The following PIEZO1 variants were observed in gnomAD, a reference collection of about 807,000 sequenced individuals.
The protein encoded by PIEZO1 is piezo-type mechanosensitive ion channel component 1.
In PIEZO1, 296 loss-of-function variants were observed where a neutral mutation model predicts 297.2. The observed-to-expected ratio is 1.00, with a 90% CI of 0.91 to 1.10. The LOEUF is 1.10. Among genes scored for constraint, PIEZO1 ranks in the 50% least tolerant of loss-of-function variants. The probability of loss-of-function intolerance (pLI) is 0.00; values close to 1 mark genes in which losing one functional copy is unlikely to be tolerated. For missense variants in PIEZO1, 5,018 were observed against 3,455.5 expected (o/e 1.45, Z -11.34); for synonymous variants, 2,427 against 1,507.5 (o/e 1.61, Z -14.13).
In PIEZO1 at chr16:88,738,651, A is replaced by G; in HGVS notation, c.551T>C (p.Leu184Pro). ...ATLAPTRRSR[L>P]AARFRVTAHW... Reference sequence around the variant, plus strand: ...GGCCGTGACTCGGAAACGAGCGGCCAGCCGTGACCTCCGTGTAGGGGCCAG... The same window carrying G: ...GGCCGTGACTCGGAAACGAGCGGCCGGCCGTGACCTCCGTGTAGGGGCCAG... The change falls in exon 6 of 51, where the codon CTG becomes CCG. Residue 184 changes from leucine (L) to proline (P), a missense_variant. Leu to Pro is a moderately conservative substitution (Grantham distance 98). Transcript: ENST00000301015. 1 of 1,535,702 alleles carries G rather than the reference A, an allele frequency of 6.5e-7. No homozygotes were observed. The highest frequency in any genetic ancestry group is 8.7e-7 in the Non-Finnish European group (1 of 1,146,744).
rs1415941309 is a variant in PIEZO1 at position 88,732,388 on chromosome 16, G to C, written c.2938C>G (p.Leu980Val). The part of the protein sequence containing the change: ...GTRQQLDQDL[L>V]GCLKYFINFF... ...TTGATGAAGTACTTGAGGCAGCCGA[G>C]CAGATCCTGGTCCAGCTGCTGGCGG... Residue 980 changes from leucine to valine, a missense_variant, in exon 21 of 51, where the codon CTC (leucine) becomes GTC (valine). By Grantham distance (32) the Leu-to-Val change is conservative (BLOSUM62 1). Coordinates refer to ENST00000301015, the MANE Select transcript of PIEZO1 (RefSeq NM_001142864.4). 2 of 1,549,834 alleles carry C rather than the reference G, an allele frequency of 1.3e-6. No individual in the cohort carries two copies. Among genetic ancestry groups the C allele is most frequent in the East Asian group, 4.9e-5 (2 of 40,924 alleles).
At chr16:88,759,440 C>G (rs8055447) in intron 1 of PIEZO1, among the ~76,000 whole-genome samples, 12,013 of 152,232 alleles carry the variant, frequency 0.079, 1,599 homozygotes, top group African/African-American at 0.27. Flanking sequence ...CTCCCCCTGG[C>G]CTGCTCCAAC....
Position 88,734,400 on chromosome 16 carries a change from C to T in PIEZO1, c.2136G>A (p.Glu712=), listed in dbSNP as rs889645779. 6.5e-7 allele frequency: 1 copy of T among 1,548,666 alleles called. No homozygotes were observed. The highest frequency in any genetic ancestry group is 1.4e-5 in the African/African-American group (1 of 73,040). ...GGCGCGTGCCAGGCAGGGACACGTG[C>T]TCCATGTCGGTGAGCTGCATGAAGG... ...HRPFMQLTDM[E]HVSLPGTRLP... The change falls in exon 16 of 51, where the codon GAG becomes GAA. Residue 712 remains glutamate (E), a synonymous_variant. Coordinates refer to ENST00000301015, the MANE Select transcript of PIEZO1 (RefSeq NM_001142864.4).
At chr16:88,774,561 G>A (rs1011873226) in intron 1 of PIEZO1, among the ~76,000 whole-genome samples, 61 of 152,206 alleles carry the variant, frequency 4.0e-4, no homozygotes, top group African/African-American at 1.4e-3. Context: ...ATACCACGTG[G>A]AGGAGAAACG....
Position 88,726,877 on chromosome 16 carries a change from G to A in PIEZO1, c.3537C>T (p.Ala1179=). ...LVLVVVFVTG[A]TRISIFGLGY... ...CCAGCCCGAAGATGCTGATGCGGGT[G>A]GCCCCCGTGACAAACACCACCACCA... The change falls in exon 25 of 51, where the codon GCC becomes GCT. Residue 1179 remains alanine (A), a synonymous_variant. Transcript: ENST00000301015. The A allele has an allele frequency of 6.4e-7, 1 of 1,550,424 alleles. No homozygotes were observed.
chr16:88,776,983 CTTTTT>C (rs1471847062), intron 1 of PIEZO1, among the ~76,000 whole-genome samples: 3 of 152,046 alleles, frequency 2.0e-5, no homozygotes, highest in Non-Finnish European at 2.9e-5. Flanking sequence ...TCTTCTTCTT[CTTTTT>C]TGAGATGGAG....
In PIEZO1 at chr16:88,723,914, GCCT is replaced by G. The variant is rs1473113482; in HGVS notation, c.4289_4291del (p.Glu1430del). The G allele has an allele frequency of 7.1e-6, 11 of 1,549,668 alleles. No homozygotes were observed. Among genetic ancestry groups the G allele is most frequent in the African/African-American group, 2.7e-5 (2 of 73,070 alleles). On this transcript the variant is annotated inframe_deletion, in exon 31 of 51. Coordinates refer to ENST00000301015, the MANE Select transcript of PIEZO1 (RefSeq NM_001142864.4). ...CGACGGCCTCGGGTCTTCAGGAACA[GCCT>G]CCTCCTCTTCCTCACTGTCGGACTC...
chr16:88,733,371 C>T lies in PIEZO1; in HGVS notation c.2571G>A (p.Leu857=). The change falls in exon 19 of 51, where the codon CTG becomes CTA. Residue 857 remains leucine (L), a synonymous_variant. Coordinates refer to ENST00000301015, the MANE Select transcript of PIEZO1 (RefSeq NM_001142864.4). Reference sequence around the variant, plus strand: ...TGATGACGCAGGTCCACACGGTGGACAGGCAGGAGGCCATGGGCCGGAAGC... The same window carrying T: ...TGATGACGCAGGTCCACACGGTGGATAGGCAGGAGGCCATGGGCCGGAAGC... ...YPRFRPMASC[L]STVWTCVIIV... is the part of the protein sequence containing the mutation. 1.3e-6 allele frequency: 2 copies of T among 1,550,212 alleles called. No individual in the cohort carries two copies. The highest frequency in any genetic ancestry group is 1.7e-6 in the Non-Finnish European group (2 of 1,146,852).
At chr16:88,776,906 C>T (rs1907692310) in intron 1 of PIEZO1, among the ~76,000 whole-genome samples, 1 of 152,180 alleles carries the variant, frequency 6.6e-6, no homozygotes, top group African/African-American at 2.4e-5. Context: ...AGATCTGGGC[C>T]CGGCTCACTT....
chr16:88,717,335 T>A, intron 44 of PIEZO1, 124 bp from the exon 45 acceptor site: 1 of 760,198 alleles, frequency 1.3e-6, no homozygotes, highest in Non-Finnish European at 2.2e-6. Context: ...GGCACAGCGG[T>A]AGTAATGGTG....
Position 88,722,064 on chromosome 16 carries a change from C to T in PIEZO1, c.4958G>A (p.Arg1653His), listed in dbSNP as rs992473797. The T allele has an allele frequency of 2.9e-5, 45 of 1,544,892 alleles. No homozygotes were observed. Among genetic ancestry groups the T allele is most frequent in the African/African-American group, 8.2e-5 (6 of 72,914 alleles). ...CTCCTCCAGCTCTGGGATGCGCAGG[C>T]GCCTACAGGGAGACCCGCGTGTTTG... is the stretch of plus-strand genomic sequence containing the variant. ...RTASELLLDR[R>H]LRIPELEEAE... The change falls in exon 37 of 51, where the codon CGC becomes CAC. Residue 1653 changes from arginine (R) to histidine (H), a missense_variant and splice_region_variant. By Grantham distance (29) the Arg-to-His change is conservative. Coordinates refer to ENST00000301015, the MANE Select transcript of PIEZO1 (RefSeq NM_001142864.4).
intron 1 of PIEZO1, among the ~76,000 whole-genome samples, chr16:88,760,626 C>A (rs1314596851): frequency 6.6e-6 from 1 of 151,838 alleles, no homozygotes; most frequent in Admixed American, 6.6e-5. Context: ...CAGGCAGGGG[C>A]CCGAGGGGAG....
At chr16:88,744,571 C>T (rs2879898) in intron 2 of PIEZO1, among the ~76,000 whole-genome samples, 70,163 of 150,286 alleles carry the variant, frequency 0.47, 17,503 homozygotes, top group East Asian at 0.83. Context: ...CCCGCCCACC[C>T]GCCTTGCCCT....
At position 88,734,480 on chromosome 16, in the gene PIEZO1, C is replaced by G; in HGVS notation, c.2056G>C (p.Val686Leu). Reference protein sequence around the residue: ...SVSELFSSILVPGFFLLACIL... With the variant: ...SVSELFSSILLPGFFLLACIL... The stretch of plus-strand genomic sequence containing the variant: ...CAGGCCAGGAGGAAGAAGCCGGGCA[C>G]CAGGATGCTGGAGAAGAGCTCGGAC... The change falls in exon 16 of 51, where the codon GTG (valine) becomes CTG (leucine). Residue 686 changes from valine (V) to leucine (L), a missense_variant. Val to Leu is a conservative substitution (Grantham distance 32). Transcript: ENST00000301015. 6.5e-7 allele frequency: 1 copy of G among 1,549,606 alleles called. No homozygotes were observed. Among genetic ancestry groups the G allele is most frequent in the Non-Finnish European group, 8.7e-7 (1 of 1,146,574 alleles).
chr16:88,760,624 G>T (rs376031904), intron 1 of PIEZO1, among the ~76,000 whole-genome samples: 1 of 151,900 alleles, frequency 6.6e-6, no homozygotes, highest in African/African-American at 2.4e-5. Flanking sequence ...GACAGGCAGG[G>T]GCCCGAGGGG....
chr16:88,754,096 C>T (rs1906533470), intron 1 of PIEZO1, among the ~76,000 whole-genome samples: 1 of 152,212 alleles, frequency 6.6e-6, no homozygotes, highest in African/African-American at 2.4e-5. Flanking sequence ...ACCCCCAACC[C>T]CCTCGCCTCA....
chr16:88,751,685 A>G (rs1906397494), intron 1 of PIEZO1, among the ~76,000 whole-genome samples: 1 of 152,176 alleles, frequency 6.6e-6, no homozygotes. Context: ...AAAAAAAAAA[A>G]AAATCCCTAA....
intron 1 of PIEZO1, among the ~76,000 whole-genome samples, chr16:88,778,539 C>T (rs549431998): frequency 3.0e-4 from 46 of 152,324 alleles, no homozygotes; most frequent in African/African-American, 1.0e-3. Flanking sequence ...GAGACAACGG[C>T]GGGGAATCGG....
chr16:88,769,909 G>A (rs568107254), intron 1 of PIEZO1, among the ~76,000 whole-genome samples: 2 of 152,286 alleles, frequency 1.3e-5, no homozygotes, highest in South Asian at 4.1e-4. Context: ...GTGGTTAACA[G>A]ATCCCCTAGG....
Sources: allele counts gnomAD v4.1 joint callset (sites outside exome capture counted in the v4.1 genomes callset), GRCh38; gene constraint gnomAD v4.1.1; transcripts MANE v1.5; gene names NCBI Gene and HGNC (gene_info 2026-07-23, HGNC 2026-07-21).